AKAP17A: variants seen among roughly 807,000 people sequenced by gnomAD.
AKAP17A encodes the protein A-kinase anchoring protein 17A.
AKAP17A carries 15 observed loss-of-function variants against 52.2 expected under a neutral mutation model. The observed-to-expected ratio is 0.29, with a 90% CI of 0.19 to 0.44. The LOEUF (loss-of-function observed/expected upper bound fraction) is 0.44. Ranked by LOEUF, AKAP17A falls within the 20% of genes least tolerant of loss-of-function variation. The pLI, the probability that AKAP17A is intolerant of heterozygous loss-of-function variation, is 1.00. For synonymous variants in AKAP17A, 514 were observed against 424.7 expected (o/e 1.21, Z -2.58); for missense variants, 1,060 against 1,007.0 (o/e 1.05, Z -0.71).
Position 1,594,026 on chromosome X carries a change from C to T in AKAP17A, c.564C>T (p.Asp188=). 6.2e-7 allele frequency: 1 copy of T among 1,609,126 alleles called. No homozygotes were observed. The highest frequency in any genetic ancestry group is 8.5e-7 in the Non-Finnish European group (1 of 1,177,588). ...FEKFGEIRNV[D]IPMLDPYREE... The stretch of plus-strand genomic sequence containing the variant: ...AGTTCGGGGAGATCCGGAATGTGGA[C>T]ATCCCCATGCTGGACCCCTACCGGG... The change falls in exon 2 of 5, where the codon GAC becomes GAT. Residue 188 remains aspartate (D), a synonymous_variant. Coordinates refer to ENST00000313871, the MANE Select transcript of AKAP17A (RefSeq NM_005088.3).
In AKAP17A at chrX:1,593,801, C is replaced by G. The variant is rs192527057; in HGVS notation, c.339C>G (p.Arg113=). The change falls in exon 2 of 5, where the codon CGC becomes CGG. Residue 113 remains arginine, a synonymous_variant. Coordinates refer to ENST00000313871, the MANE Select transcript of AKAP17A (RefSeq NM_005088.3). ...GCTTCTCCGACATCCTGAAGGTGCGCGCGGCCGAGTTCAAGATCGACTTCC... is the reference window on the plus strand; with the variant it reads ...GCTTCTCCGACATCCTGAAGGTGCGGGCGGCCGAGTTCAAGATCGACTTCC... ...LSGFSDILKV[R]AAEFKIDFPT... is the part of the protein sequence containing the mutation. 1.2e-6 allele frequency: 2 copies of G among 1,613,010 alleles called. No homozygotes were observed. Among genetic ancestry groups the G allele is most frequent in the African/African-American group, 1.3e-5 (1 of 74,912 alleles).
Position 1,593,407 on chromosome X carries a change from G to A in AKAP17A, c.-19-37G>A, listed in dbSNP as rs1299001133. On this transcript the variant is annotated intron_variant, in intron 1 of 4. Coordinates refer to ENST00000313871, the MANE Select transcript of AKAP17A (RefSeq NM_005088.3). ...CCTCCTCATTGGCGGGGGAGGTGGGGGGTGCTGGTGCTGACTGTCTGCGTC... is the reference window on the plus strand; with the variant it reads ...CCTCCTCATTGGCGGGGGAGGTGGGAGGTGCTGGTGCTGACTGTCTGCGTC... 1.9e-6 allele frequency: 3 copies of A among 1,562,438 alleles called. No homozygotes were observed. The South Asian group carries it at 3.6e-5, about 19-fold the overall frequency.
intron 3 of AKAP17A, among the ~76,000 whole-genome samples, chrX:1,596,311 G>A (rs192037964): frequency 1.3e-4 from 19 of 151,798 alleles, no homozygotes; most frequent in African/African-American, 4.3e-4. Flanking sequence ...TGCCTGGGTC[G>A]TTCACTGTGG....
intron 2 of AKAP17A, 123 bp from the exon 3 acceptor site, chrX:1,595,261 T>A (rs1932923329): frequency 1.6e-6 from 2 of 1,240,984 alleles, no homozygotes; most frequent in South Asian, 2.9e-5. Flanking sequence ...TGGTGAGCGG[T>A]GAGCGGTGAG....
Position 1,593,820 on chromosome X carries a change from G to C in AKAP17A, c.358G>C (p.Asp120His). The change falls in exon 2 of 5, where the codon GAC becomes CAC. Residue 120 changes from aspartate to histidine, a missense_variant. By Grantham distance (81) the Asp-to-His change is moderately conservative. Around this residue, in one of 2 missense-constraint regions of AKAP17A, gnomAD observed 267 missense variants for 377.1 expected, o/e 0.71. Transcript: ENST00000313871. ...GGTGCGCGCGGCCGAGTTCAAGATC[G>C]ACTTCCCCACCCGCCACGACTGGGA... ...LKVRAAEFKI[D>H]FPTRHDWDSF... is the part of the protein sequence containing the mutation. 1 of 1,610,102 alleles carries C rather than the reference G, an allele frequency of 6.2e-7. No homozygotes were observed. The highest frequency in any genetic ancestry group is 8.5e-7 in the Non-Finnish European group (1 of 1,177,820).
Position 1,593,543 on chromosome X carries a change from C to T in AKAP17A, c.81C>T (p.Ile27=), listed in dbSNP as rs1263763876. The part of the protein sequence containing the change: ...CPAYGLYLKP[I]TKMTISVALP... ...CTTACGGCTTGTACCTGAAGCCCAT[C>T]ACCAAGATGACCATCAGCGTGGCAC... Residue 27 remains isoleucine (I), a synonymous_variant, in exon 2 of 5, where the codon ATC becomes ATT. Coordinates refer to ENST00000313871, the MANE Select transcript of AKAP17A (RefSeq NM_005088.3). 1.4e-5 allele frequency: 22 copies of T among 1,613,728 alleles called. 1 individual carries two copies. Among genetic ancestry groups the T allele is most frequent in the Non-Finnish European group, 1.9e-5 (22 of 1,179,870 alleles).
intron 3 of AKAP17A, among the ~76,000 whole-genome samples, chrX:1,597,650 A>G (rs1478766630): frequency 1.4e-5 from 2 of 146,916 alleles, no homozygotes; most frequent in Non-Finnish European, 1.5e-5. Flanking sequence ...AGAGCCTCGG[A>G]CCTCTCGGTG....
At position 1,601,758 on chromosome X, in the gene AKAP17A, T is replaced by C. The variant is rs1933399581; in HGVS notation, c.*164T>C. 4 of 566,382 alleles carry C rather than the reference T, an allele frequency of 7.1e-6. No homozygotes were observed. In the East Asian group the frequency reaches 9.9e-5, roughly 14 times the overall value. 35.1% of individuals were successfully genotyped at this position (566,382 alleles called of 1,614,324 possible). ...CGGCAGGAAGGAAGACACCATGCTTTAGAGATCCATCTTTCTCCACTCACC... is the reference window on the plus strand; with the variant it reads ...CGGCAGGAAGGAAGACACCATGCTTCAGAGATCCATCTTTCTCCACTCACC... On this transcript the variant is annotated 3_prime_UTR_variant, in exon 5 of 5. Coordinates refer to ENST00000313871, the MANE Select transcript of AKAP17A (RefSeq NM_005088.3).
In AKAP17A at chrX:1,602,365, G is replaced by C. The variant is rs547828474; in HGVS notation, c.*771G>C. ...ATTTTTACTTGGAATGTTTCAAACA[G>C]ATTTCAGGCTGCAAACTTGTTTTAT... is the stretch of plus-strand genomic sequence containing the variant. On this transcript the variant is annotated 3_prime_UTR_variant, in exon 5 of 5. Coordinates refer to ENST00000313871, the MANE Select transcript of AKAP17A (RefSeq NM_005088.3). The C allele has an allele frequency of 6.6e-6, 1 of 152,164 alleles. No homozygotes were observed. Among genetic ancestry groups the C allele is most frequent in the African/African-American group, 2.4e-5 (1 of 41,436 alleles). 9.4% of individuals were successfully genotyped at this position (152,164 alleles called of 1,614,324 possible).
At position 1,601,845 on chromosome X, in the gene AKAP17A, T is replaced by C. The variant is rs1933404065; in HGVS notation, c.*251T>C. Reference sequence around the variant, plus strand: ...CCTTTAAAACTTGATCCGATAGCTTTAATGCGGCCGGTCCTCTCTCAGTCA... The same window carrying C: ...CCTTTAAAACTTGATCCGATAGCTTCAATGCGGCCGGTCCTCTCTCAGTCA... On this transcript the variant is annotated 3_prime_UTR_variant, in exon 5 of 5. Transcript: ENST00000313871. 1 of 402,216 alleles carries C rather than the reference T, an allele frequency of 2.5e-6. No homozygotes were observed. Among genetic ancestry groups the C allele is most frequent in the Non-Finnish European group, 4.4e-6 (1 of 229,570 alleles). 24.9% of individuals were successfully genotyped at this position (402,216 alleles called of 1,614,324 possible). A position where few individuals can be genotyped will look rare whatever the true frequency, so the allele number is the denominator to read the frequency against.
rs1245043198 is a variant in AKAP17A at position 1,599,329 on chromosome X, A to T, written c.1049A>T (p.Lys350Met). ...KLEKLQAEEQ[K>M]QLQEKIKLEE... ...GAGAAGCTGCAGGCGGAGGAGCAGA[A>T]GCAGCTGCAGGAGAAGATCAAGCTG... The change falls in exon 4 of 5, where the codon AAG becomes ATG. Residue 350 changes from lysine to methionine, a missense_variant. Around this residue, in one of 2 missense-constraint regions of AKAP17A, gnomAD observed 793 missense variants for 629.9 expected, o/e 1.26. Coordinates refer to ENST00000313871, the MANE Select transcript of AKAP17A (RefSeq NM_005088.3). 3 of 1,604,780 alleles carry T rather than the reference A, an allele frequency of 1.9e-6. No homozygotes were observed. The highest frequency in any genetic ancestry group is 1.7e-6 in the Non-Finnish European group (2 of 1,176,404).
At position 1,600,061 on chromosome X, in the gene AKAP17A, G is replaced by A. The variant is rs1390155943; in HGVS notation, c.1153-598G>A. The A allele has an allele frequency of 7.7e-5, 70 of 907,680 alleles. 1 individual carries two copies. Among genetic ancestry groups the A allele is most frequent in the Admixed American group, 7.4e-4 (32 of 43,526 alleles). The allele number at this position is 907,680 out of a possible 1,614,324, so 56.2% of individuals were successfully genotyped here. ...TCCCCAGGACAGACGTCCCCGGCACGCTCCTTGTCCTCAGGAGGGCTGCGT... is the reference window on the plus strand; with the variant it reads ...TCCCCAGGACAGACGTCCCCGGCACACTCCTTGTCCTCAGGAGGGCTGCGT... On this transcript the variant is annotated intron_variant, in intron 4 of 4. Coordinates refer to ENST00000313871, the MANE Select transcript of AKAP17A (RefSeq NM_005088.3).
chrX:1,593,409 G>T, intron 1 of AKAP17A, 35 bp from the exon 2 acceptor site: 10 of 1,565,706 alleles, frequency 6.4e-6, no homozygotes, highest in Non-Finnish European at 8.7e-6. Flanking sequence ...GAGGTGGGGG[G>T]TGCTGGTGCT....
At chrX:1,595,643 T>C (rs1932939578) in intron 3 of AKAP17A, 111 bp downstream of exon 3, 1 of 1,499,550 alleles carries the variant, frequency 6.7e-7, no homozygotes, top group South Asian at 1.2e-5. Context: ...TGTGCATGCA[T>C]GCTTGTGAGC....
chrX:1,600,776 G>T lies in AKAP17A; in HGVS notation c.1270G>T (p.Ala424Ser), dbSNP rs778914741. The T allele has an allele frequency of 3.2e-6, 5 of 1,575,446 alleles. No homozygotes were observed. The South Asian group carries it at 5.8e-5, about 18-fold the overall frequency. The change falls in exon 5 of 5, where the codon GCG (alanine) becomes TCG (serine). Residue 424 changes from alanine (A) to serine (S), a missense_variant. By Grantham distance (99) the Ala-to-Ser change is moderately conservative (BLOSUM62 1). Transcript: ENST00000313871. ...GCGCGTGGAGGAGGAGAAGGAGCGCGCGCTGGGCCTGCAGCGGAAAGAGCG... is the reference window on the plus strand; with the variant it reads ...GCGCGTGGAGGAGGAGAAGGAGCGCTCGCTGGGCCTGCAGCGGAAAGAGCG... ...LRRVEEEKER[A>S]LGLQRKEREL...
rs768316279 is a variant in AKAP17A at position 1,593,480 on chromosome X, C to T, written c.18C>T (p.Ile6=). 3 of 1,613,172 alleles carry T rather than the reference C, an allele frequency of 1.9e-6. No individual in the cohort carries two copies. Among genetic ancestry groups the T allele is most frequent in the East Asian group, 2.2e-5 (1 of 44,866 alleles). The change falls in exon 2 of 5, where the codon ATC becomes ATT. Residue 6 remains isoleucine (I), a synonymous_variant. Transcript: ENST00000313871. Reference sequence around the variant, plus strand: ...CGGAGGCTATGGCAGCGGCTACCATCGTGCACGACACGTCTGAGGCCGTGG... The same window carrying T: ...CGGAGGCTATGGCAGCGGCTACCATTGTGCACGACACGTCTGAGGCCGTGG... The part of the protein sequence containing the change: MAAAT[I]VHDTSEAVEL...
chrX:1,597,597 C>T (rs1457779317), intron 3 of AKAP17A, among the ~76,000 whole-genome samples: 1 of 151,798 alleles, frequency 6.6e-6, no homozygotes, highest in Non-Finnish European at 1.5e-5. Context: ...CCAGGCCTGG[C>T]TGAATGTGCC....
At position 1,593,683 on chromosome X, in the gene AKAP17A, T is replaced by C; in HGVS notation, c.221T>C (p.Met74Thr). 1 of 1,613,994 alleles carries C rather than the reference T, an allele frequency of 6.2e-7. No homozygotes were observed. The highest frequency in any genetic ancestry group is 8.5e-7 in the Non-Finnish European group (1 of 1,179,870). The change falls in exon 2 of 5, where the codon ATG (methionine) becomes ACG (threonine). Residue 74 changes from methionine (M) to threonine (T), a missense_variant. Coordinates refer to ENST00000313871, the MANE Select transcript of AKAP17A (RefSeq NM_005088.3). Reference protein sequence around the residue: ...FSTLRISKSTMDFIRFEGEVE... With the variant: ...FSTLRISKSTTDFIRFEGEVE... ...ACGCTGCGTATTTCCAAGAGCACCA[T>C]GGACTTCATCCGCTTCGAGGGGGAG...
rs112051499 is a variant in AKAP17A at position 1,596,586 on chromosome X, C to T, written c.911+1054C>T. On this transcript the variant is annotated intron_variant, in intron 3 of 4. Coordinates refer to ENST00000313871, the MANE Select transcript of AKAP17A (RefSeq NM_005088.3). ...AGTGAGGTGGATTCCTCCTCCTCCT[C>T]CTCCATCCCTCCCACCCTCCTAGTG... is the stretch of plus-strand genomic sequence containing the variant. Among the ~76,000 whole-genome samples the T allele has an allele frequency of 1.9e-3, 208 of 111,956 alleles. 2 individuals carry two copies. The East Asian group carries it at 0.052, about 28-fold the overall frequency. The allele number at this position is 111,956 out of a possible 152,430, so 73.4% of individuals were successfully genotyped here.
Sources: allele counts gnomAD v4.1 joint callset (sites outside exome capture counted in the v4.1 genomes callset), GRCh38; gene constraint gnomAD v4.1.1; regional missense constraint gnomAD v4.1.1; transcripts MANE v1.5; gene names NCBI Gene and HGNC (gene_info 2026-07-23, HGNC 2026-07-21).